The following NBEA variants were observed in gnomAD, a reference collection of about 807,000 sequenced individuals.
The protein encoded by NBEA is lysosomal-trafficking regulator 2.
NBEA carries 44 observed loss-of-function variants against 343.4 expected under a neutral mutation model. The ratio of observed to expected loss-of-function variants is 0.13; its 90% CI spans 0.10 to 0.16. The LOEUF is 0.16. Ranked by LOEUF, NBEA falls within the 10% of genes least tolerant of loss-of-function variation. The pLI, the probability that NBEA is intolerant of heterozygous loss-of-function variation, is 1.00. For missense variants in NBEA, 2,555 were observed against 3,631.3 expected, an observed-to-expected ratio of 0.70 and a Z score of 7.62; for synonymous variants, 1,175 against 1,238.7, an observed-to-expected ratio of 0.95 and a Z score of 1.08.
chr13:35,092,630 C>T (rs1388530227), intron 10 of NBEA, among the ~76,000 whole-genome samples: 1 of 151,922 alleles, frequency 6.6e-6, no homozygotes, highest in Non-Finnish European at 1.5e-5. Flanking sequence ...TATTAACCAA[C>T]AGATAAATGT....
At chr13:35,372,193 G>A (rs777501066) in intron 38 of NBEA, among the ~76,000 whole-genome samples, 1 of 152,192 alleles carries the variant, frequency 6.6e-6, no homozygotes, top group African/African-American at 2.4e-5. Flanking sequence ...CGTGGTATGA[G>A]TGATGGTAAT....
At chr13:35,603,728 G>C (rs1278003187) in intron 47 of NBEA, among the ~76,000 whole-genome samples, 1 of 152,128 alleles carries the variant, frequency 6.6e-6, no homozygotes, top group Non-Finnish European at 1.5e-5. Flanking sequence ...GGCAGTAAGG[G>C]AAACACCTGA....
At chr13:35,541,843 G>A (rs2078842418) in intron 41 of NBEA, among the ~76,000 whole-genome samples, 1 of 151,960 alleles carries the variant, frequency 6.6e-6, no homozygotes, top group Non-Finnish European at 1.5e-5. Context: ...CATTTCCTGT[G>A]TGCCAGGCAC....
chr13:35,038,825 G>T (rs2062544195), intron 1 of NBEA, among the ~76,000 whole-genome samples: 1 of 152,096 alleles, frequency 6.6e-6, no homozygotes, highest in South Asian at 2.1e-4. Flanking sequence ...GTGCAGTCTG[G>T]GGTTAGGGGA....
chr13:35,126,878 A>G (rs78120841), intron 17 of NBEA, among the ~76,000 whole-genome samples: 4,609 of 149,836 alleles, frequency 0.031, 107 homozygotes, highest in South Asian at 0.076. Flanking sequence ...AGACCGTGCC[A>G]TTGCATTCCA....
intron 36 of NBEA, among the ~76,000 whole-genome samples, chr13:35,340,011 C>G (rs1406447470): frequency 6.6e-6 from 1 of 152,080 alleles, no homozygotes; most frequent in Non-Finnish European, 1.5e-5. Flanking sequence ...AACTGAAACA[C>G]TTGTACATTG....
chr13:35,443,874 A>C (rs1014801471), intron 39 of NBEA, among the ~76,000 whole-genome samples: 12 of 152,058 alleles, frequency 7.9e-5, no homozygotes, highest in African/African-American at 2.9e-4. Context: ...CTATTTTATA[A>C]AGAAGATGAT....
chr13:35,291,801 A>G (rs1205997489), intron 35 of NBEA, among the ~76,000 whole-genome samples: 3 of 151,870 alleles, frequency 2.0e-5, no homozygotes, highest in South Asian at 2.1e-4. Flanking sequence ...AATTCCTGCC[A>G]TTAAGGGCCC....
At chr13:35,187,222 C>T (rs1477814830) in intron 30 of NBEA, among the ~76,000 whole-genome samples, 2 of 151,868 alleles carry the variant, frequency 1.3e-5, no homozygotes, top group East Asian at 1.9e-4. Context: ...CCTTCACACC[C>T]CACTCCCTTC....
intron 1 of NBEA, among the ~76,000 whole-genome samples, chr13:34,972,323 C>T (rs1395360366): frequency 6.6e-6 from 1 of 151,892 alleles, no homozygotes; most frequent in African/African-American, 2.4e-5. Context: ...ATGTCTCTGC[C>T]TCCTTCAGTT....
At chr13:35,040,719 A>G (rs2062619255) in intron 1 of NBEA, among the ~76,000 whole-genome samples, 1 of 151,946 alleles carries the variant, frequency 6.6e-6, no homozygotes, top group African/African-American at 2.4e-5. Flanking sequence ...ACCCTTTTCC[A>G]TTTATGTGAA....
rs556342479 is a variant in NBEA at position 35,006,805 on chromosome 13, T to C, written c.295-34128T>C. On this transcript the variant is annotated intron_variant, in intron 1 of 58. Transcript: ENST00000379939. ...CTCTGTTGCCCAGGCCAGGCTGGAG[T>C]GCAGTGGCACGATCTTGGCTTACTG... 5.3e-5 allele frequency among the ~76,000 whole-genome samples: 8 copies of C among 152,288 alleles called. No homozygotes were observed. The South Asian group carries it at 1.4e-3, about 28-fold the overall frequency.
chr13:35,048,970 T>C (rs1311108158), intron 5 of NBEA, among the ~76,000 whole-genome samples: 1 of 151,872 alleles, frequency 6.6e-6, no homozygotes, highest in Non-Finnish European at 1.5e-5. Flanking sequence ...ATATCAGTTG[T>C]GGGATTTTTA....
At chr13:35,477,105 G>C (rs1031535292) in intron 41 of NBEA, 1 of 166,928 alleles carries the variant, frequency 6.0e-6, no homozygotes, top group African/African-American at 2.4e-5. Context: ...GATAATTAAC[G>C]TCTGTTAATC....
At chr13:35,255,565 C>G (rs893352173) in intron 34 of NBEA, among the ~76,000 whole-genome samples, 2 of 152,230 alleles carry the variant, frequency 1.3e-5, no homozygotes, top group Non-Finnish European at 2.9e-5. Flanking sequence ...TTCATGCAGG[C>G]CTGCAGCTAG....
chr13:35,202,590 T>C (rs1290745473), intron 31 of NBEA, among the ~76,000 whole-genome samples: 3 of 152,152 alleles, frequency 2.0e-5, no homozygotes, highest in Non-Finnish European at 4.4e-5. Context: ...AACTGTTTAA[T>C]GGAGACTGCC....
At chr13:35,188,917 T>G (rs1057280059) in intron 30 of NBEA, among the ~76,000 whole-genome samples, 7 of 149,250 alleles carry the variant, frequency 4.7e-5, no homozygotes, top group African/African-American at 1.7e-4. Flanking sequence ...TTTTTTTTTT[T>G]TTTTTTGGTT....
chr13:35,025,774 A>G (rs1379203956), intron 1 of NBEA, among the ~76,000 whole-genome samples: 4 of 151,120 alleles, frequency 2.6e-5, no homozygotes, highest in South Asian at 2.1e-4. Flanking sequence ...TATCGCTTAC[A>G]TTTTCTTCTC....
intron 38 of NBEA, among the ~76,000 whole-genome samples, chr13:35,407,256 C>T (rs2043319425): frequency 6.6e-6 from 1 of 152,092 alleles, no homozygotes; most frequent in South Asian, 2.1e-4. Context: ...TGAACCACTG[C>T]ACCCGGCCTA....
Sources: gnomAD v4.1 joint callset for allele counts (sites outside exome capture counted in the v4.1 genomes callset) on GRCh38, gnomAD v4.1.1 for gene constraint, MANE v1.5 for transcripts, NCBI Gene and HGNC (gene_info 2026-07-23, HGNC 2026-07-21) for gene names.